GNA11: variants seen among roughly 807,000 people sequenced by gnomAD.
The protein encoded by GNA11 is G protein subunit alpha 11, also known as guanine nucleotide-binding protein subunit alpha-11.
GNA11 carries 8 observed loss-of-function variants against 38.2 expected under a neutral mutation model. The observed-to-expected ratio is 0.21, with a 90% CI of 0.12 to 0.38. The LOEUF (loss-of-function observed/expected upper bound fraction) is 0.38, where lower values mean the gene tolerates loss of function less well. GNA11 is among the 10% of genes least tolerant of loss of function. GNA11 has a pLI of 1.00. For synonymous variants in GNA11, 211 were observed against 221.4 expected (o/e 0.95, Z 0.42); for missense variants, 268 against 516.3 (o/e 0.52, Z 4.66).
rs1309389227 is a variant in GNA11 at position 3,119,640 on chromosome 19, C to G, written c.889+281C>G. ...GGTCTCGGGTGGGAGGGGTCTCGGG[C>G]AGGGGGATCTCGGGTGGGAGGAGTC... On this transcript the variant is annotated intron_variant, in intron 6 of 6. Transcript: ENST00000078429. The surrounding 1 kb of genome is among the most constrained non-coding windows in gnomAD (Gnocchi z 4.6). 2.2e-5 allele frequency among the ~76,000 whole-genome samples: 3 copies of G among 139,302 alleles called. No homozygotes were observed. Among genetic ancestry groups the G allele is most frequent in the Non-Finnish European group, 4.7e-5 (3 of 63,844 alleles). 91.4% of individuals were successfully genotyped at this position (139,302 alleles called of 152,430 possible).
chr19:3,111,496 C>G (rs1208536392), intron 2 of GNA11, among the ~76,000 whole-genome samples: 1 of 152,220 alleles, frequency 6.6e-6, no homozygotes, highest in African/African-American at 2.4e-5. Context: ...TGTGTCAGAG[C>G]CTCGTCCCTG....
chr19:3,113,594 G>A (rs959229358), intron 3 of GNA11, 110 bp downstream of exon 3: 16 of 827,866 alleles, frequency 1.9e-5, no homozygotes, highest in East Asian at 2.9e-5. Context: ...CCTGCTCGCC[G>A]GGGGCAGGGA....
At chr19:3,098,526 T>G (rs1337949783) in intron 1 of GNA11, among the ~76,000 whole-genome samples, 1 of 152,240 alleles carries the variant, frequency 6.6e-6, no homozygotes, top group Non-Finnish European at 1.5e-5. Flanking sequence ...GGAATGCCTG[T>G]TCCCAGGGCC....
At position 3,119,638 on chromosome 19, in the gene GNA11, G is replaced by C. The variant is rs76773792; in HGVS notation, c.889+279G>C. On this transcript the variant is annotated intron_variant, in intron 6 of 6. Transcript: ENST00000078429. The surrounding 1 kb of genome is among the most constrained non-coding windows in gnomAD (Gnocchi z 4.6). ...GGGGTCTCGGGTGGGAGGGGTCTCG[G>C]GCAGGGGGATCTCGGGTGGGAGGAG... is the stretch of plus-strand genomic sequence containing the variant. 6.5e-3 allele frequency among the ~76,000 whole-genome samples: 980 copies of C among 151,242 alleles called. 17 individuals are homozygous for C. The highest frequency in any genetic ancestry group is 7.0e-3 in the Non-Finnish European group (475 of 67,680).
chr19:3,095,538 C>T (rs1226760671), intron 1 of GNA11, among the ~76,000 whole-genome samples: 1 of 151,986 alleles, frequency 6.6e-6, no homozygotes, highest in Non-Finnish European at 1.5e-5. Context: ...CCCATCCCCC[C>T]GAAGACTCCT....
At chr19:3,097,384 T>C (rs1360295350) in intron 1 of GNA11, among the ~76,000 whole-genome samples, 1 of 151,902 alleles carries the variant, frequency 6.6e-6, no homozygotes, top group Non-Finnish European at 1.5e-5. Context: ...CCGTACAGCG[T>C]TGTGGAGTGG....
intron 3 of GNA11, among the ~76,000 whole-genome samples, 161 bp downstream of exon 3, chr19:3,113,645 A>G (rs531001735): frequency 6.6e-6 from 1 of 152,242 alleles, no homozygotes; most frequent in African/African-American, 2.4e-5. Context: ...GAGGGACCAG[A>G]GCAGATCCCT....
intron 1 of GNA11, among the ~76,000 whole-genome samples, chr19:3,097,353 A>G (rs1427121303): frequency 6.6e-6 from 1 of 151,984 alleles, no homozygotes; most frequent in Non-Finnish European, 1.5e-5. Flanking sequence ...TGGGGGCTCC[A>G]TCCCTCCTCC....
rs201368515 is a variant in GNA11 at position 3,121,069 on chromosome 19, A to G, written c.970A>G (p.Ile324Val). 6.2e-7 allele frequency: 1 copy of G among 1,613,426 alleles called. No individual in the cohort carries two copies. The highest frequency in any genetic ancestry group is 8.5e-7 in the Non-Finnish European group (1 of 1,179,504). The stretch of plus-strand genomic sequence containing the variant: ...CCTGAACCCCGACAGCGACAAGATC[A>G]TCTACTCACACTTCACGTGTGCCAC... ...VDLNPDSDKI[I>V]YSHFTCATDT... The change falls in exon 7 of 7, where the codon ATC becomes GTC. Residue 324 changes from isoleucine (I) to valine (V), a missense_variant. Physicochemically the swap from Ile to Val is conservative, Grantham distance 29 (BLOSUM62 3). Around this residue, in one of 3 missense-constraint regions of GNA11, gnomAD observed 92 missense variants for 166.7 expected, o/e 0.55. Coordinates refer to ENST00000078429, the MANE Select transcript of GNA11 (RefSeq NM_002067.5).
chr19:3,103,269 A>C (rs1913550112), intron 1 of GNA11, among the ~76,000 whole-genome samples: 2 of 152,038 alleles, frequency 1.3e-5, no homozygotes, highest in South Asian at 4.1e-4. Flanking sequence ...GCTGGAGTGC[A>C]GTGGTGCAGT....
At chr19:3,114,808 C>A in intron 3 of GNA11, 136 bp from the exon 4 acceptor site, 1 of 794,212 alleles carries the variant, frequency 1.3e-6, no homozygotes, top group Non-Finnish European at 2.0e-6. Context: ...CTGCTTCAGA[C>A]ACTGCCGTAG....
chr19:3,098,284 G>A (rs113823504), intron 1 of GNA11, among the ~76,000 whole-genome samples: 3 of 152,210 alleles, frequency 2.0e-5, no homozygotes, highest in Non-Finnish European at 4.4e-5. Flanking sequence ...CGCTGCTCCC[G>A]CCTCCGTCCG....
At chr19:3,114,814 C>T (rs1019218583) in intron 3 of GNA11, 130 bp from the exon 4 acceptor site, 7 of 844,530 alleles carry the variant, frequency 8.3e-6, no homozygotes, top group South Asian at 1.6e-5. Flanking sequence ...CAGACACTGC[C>T]GTAGGTGGCG....
In GNA11 at chr19:3,123,722, G is replaced by T; in HGVS notation, c.*2543G>T. On this transcript the variant is annotated 3_prime_UTR_variant, in exon 7 of 7. Transcript: ENST00000078429. Reference sequence around the variant, plus strand: ...TGGCCGGCCTGGCGGACGGGACCCAGTGATACTTGTATATTACACAGTCCT... The same window carrying T: ...TGGCCGGCCTGGCGGACGGGACCCATTGATACTTGTATATTACACAGTCCT... The T allele has an allele frequency of 4.3e-6, 1 of 233,010 alleles. No homozygotes were observed. Among genetic ancestry groups the T allele is most frequent in the Non-Finnish European group, 8.5e-6 (1 of 117,872 alleles). The allele number at this position is 233,010 out of a possible 1,614,324, so 14.4% of individuals were successfully genotyped here. A position where few individuals can be genotyped will look rare whatever the true frequency, so the allele number is the denominator to read the frequency against.
Position 3,119,669 on chromosome 19 carries a change from T to A in GNA11, c.889+310T>A, listed in dbSNP as rs1476208087. Among the ~76,000 whole-genome samples the A allele has an allele frequency of 6.7e-6, 1 of 150,180 alleles. No homozygotes were observed. The highest frequency in any genetic ancestry group is 2.5e-5 in the African/African-American group (1 of 40,682). On this transcript the variant is annotated intron_variant, in intron 6 of 6. Transcript: ENST00000078429. The surrounding 1 kb of genome is among the most constrained non-coding windows in gnomAD (Gnocchi z 4.6). ...GGGATCTCGGGTGGGAGGAGTCTTG[T>A]ACAAGGAGGGCACCATGGGAGGGGG...
At chr19:3,098,152 T>C (rs1174200590) in intron 1 of GNA11, among the ~76,000 whole-genome samples, 1 of 152,266 alleles carries the variant, frequency 6.6e-6, no homozygotes, top group Non-Finnish European at 1.5e-5. Context: ...TGAATGTGAA[T>C]GCATGTATTG....
At chr19:3,106,758 G>A (rs574863465) in intron 1 of GNA11, among the ~76,000 whole-genome samples, 1 of 152,386 alleles carries the variant, frequency 6.6e-6, no homozygotes, top group African/African-American at 2.4e-5. Context: ...ATACATGTAT[G>A]TGTGGGTGTG....
chr19:3,119,636 C>T lies in GNA11; in HGVS notation c.889+277C>T, dbSNP rs1378891951. Reference sequence around the variant, plus strand: ...GAGGGGTCTCGGGTGGGAGGGGTCTCGGGCAGGGGGATCTCGGGTGGGAGG... The same window carrying T: ...GAGGGGTCTCGGGTGGGAGGGGTCTTGGGCAGGGGGATCTCGGGTGGGAGG... On this transcript the variant is annotated intron_variant, in intron 6 of 6. Coordinates refer to ENST00000078429, the MANE Select transcript of GNA11 (RefSeq NM_002067.5). The surrounding 1 kb of genome is among the most constrained non-coding windows in gnomAD (Gnocchi z 4.6). Among the ~76,000 whole-genome samples, 3 of 101,572 alleles carry T rather than the reference C, an allele frequency of 3.0e-5. No individual in the cohort carries two copies. Among genetic ancestry groups the T allele is most frequent in the Non-Finnish European group, 6.0e-5 (3 of 49,662 alleles). 66.6% of individuals were successfully genotyped at this position (101,572 alleles called of 152,430 possible).
Position 3,110,921 on chromosome 19 carries a change from G to A in GNA11, c.321+588G>A, listed in dbSNP as rs537377261. On this transcript the variant is annotated intron_variant, in intron 2 of 6. Transcript: ENST00000078429. The surrounding 1 kb of genome is among the most constrained non-coding windows in gnomAD (Gnocchi z 5.4). The stretch of plus-strand genomic sequence containing the variant: ...TCAGGTGATCCCACCACAGCCTCCC[G>A]GGTAGCTGGGACTGCAGGTGCATCA... Among the ~76,000 whole-genome samples the A allele has an allele frequency of 2.0e-5, 3 of 152,122 alleles. No individual in the cohort carries two copies. Among genetic ancestry groups the A allele is most frequent in the African/African-American group, 4.8e-5 (2 of 41,430 alleles).
Sources: allele counts gnomAD v4.1 joint callset (sites outside exome capture counted in the v4.1 genomes callset), GRCh38; gene constraint gnomAD v4.1.1; regional missense constraint gnomAD v4.1.1; non-coding constraint Gnocchi (gnomAD v3.1); transcripts MANE v1.5; gene names NCBI Gene and HGNC (gene_info 2026-07-23, HGNC 2026-07-21).